ATP7A: variants seen among roughly 807,000 people sequenced by gnomAD.
ATP7A encodes the protein copper-transporting ATPase 1.
A neutral mutation model predicts 83.5 loss-of-function variants in ATP7A; 7 were observed. That is an observed-to-expected ratio of 0.08 (90% CI 0.05 to 0.16). ATP7A has a LOEUF of 0.16. Among genes scored for constraint, ATP7A ranks in the 10% least tolerant of loss-of-function variants. ATP7A has a pLI of 1.00. For missense variants in ATP7A, 940 were observed against 1,120.8 expected (o/e 0.84, Z 2.30); for synonymous variants, 354 against 395.2 (o/e 0.90, Z 1.24).
intron 14 of ATP7A, among the ~76,000 whole-genome samples, chrX:78,025,594 G>C (rs2077937648): frequency 9.0e-6 from 1 of 111,668 alleles, no homozygotes; most frequent in Admixed American, 9.6e-5. Context: ...ACTCCTGCAA[G>C]ACACTATACA....
chrX:77,983,161 A>G (rs1557231054), intron 2 of ATP7A, among the ~76,000 whole-genome samples: 3 of 112,182 alleles, frequency 2.7e-5, no homozygotes, highest in African/African-American at 9.7e-5. Context: ...GCATTTCAGC[A>G]CATGAATTTT....
At chrX:77,931,973 CG>C (rs1199738557) in intron 1 of ATP7A, among the ~76,000 whole-genome samples, 1 of 102,222 alleles carries the variant, frequency 9.8e-6, no homozygotes, top group Non-Finnish European at 2.0e-5. Flanking sequence ...CCCTCCCGGA[CG>C]GGGCGGCTGG....
At position 77,944,834 on chromosome X, in the gene ATP7A, GTATT is replaced by G. The variant is rs376448530; in HGVS notation, c.-21-26757_-21-26754del. ...TGTATGTATGTATGTATGTATGTGTGTATTTATTTATTTATTTATTTATTTATTT... is the reference window on the plus strand; with the variant it reads ...TGTATGTATGTATGTATGTATGTGTGTATTTATTTATTTATTTATTTATTT... On this transcript the variant is annotated intron_variant, in intron 1 of 22. Transcript: ENST00000341514. 3.9e-3 allele frequency among the ~76,000 whole-genome samples: 414 copies of G among 107,389 alleles called. 2 individuals are homozygous for G. The highest frequency in any genetic ancestry group is 9.0e-3 in the East Asian group (31 of 3,444). The allele number at this position is 107,389 out of a possible 115,157, so 93.3% of individuals were successfully genotyped here.
intron 5 of ATP7A, among the ~76,000 whole-genome samples, chrX:78,001,479 C>A (rs929202359): frequency 4.5e-5 from 5 of 111,241 alleles, no homozygotes; most frequent in Non-Finnish European, 7.5e-5. Context: ...TATTCTGTTA[C>A]TTTTAAATGT....
rs375563909 is a variant in ATP7A, at chrX:77,968,939, C to T, written c.-21-2682C>T. ...GCTTTGCACACCGTCTCTTCATCCC[C>T]CAGAAACTGCATGGGCTTGATAGGC... On this transcript the variant is annotated intron_variant, in intron 1 of 22. Transcript: ENST00000341514. The T allele has an allele frequency of 6.6e-6, 8 of 1,208,901 alleles. No homozygotes were observed. The African/African-American group carries it at 1.2e-4, about 19-fold the overall frequency.
chrX:77,938,747 A>G (rs2077334171), intron 1 of ATP7A, among the ~76,000 whole-genome samples: 1 of 112,483 alleles, frequency 8.9e-6, no homozygotes, highest in African/African-American at 3.2e-5. Context: ...CACAGATTAT[A>G]AGAGTACTAC....
chrX:77,928,423 CATATAT>C, intron 1 of ATP7A, among the ~76,000 whole-genome samples: 1 of 106,461 alleles, frequency 9.4e-6, no homozygotes, highest in East Asian at 2.9e-4. Flanking sequence ...CACACACACT[CATATAT>C]ATATATGACA....
chrX:77,933,055 A>G (rs2077298623), intron 1 of ATP7A, among the ~76,000 whole-genome samples: 1 of 112,140 alleles, frequency 8.9e-6, no homozygotes, highest in East Asian at 2.8e-4. Flanking sequence ...AGTACTGCTC[A>G]AGCTGCTGGA....
chrX:77,913,489 T>C (rs1356254781), intron 1 of ATP7A, among the ~76,000 whole-genome samples: 2 of 111,944 alleles, frequency 1.8e-5, no homozygotes, highest in African/African-American at 6.5e-5. Flanking sequence ...CCAGCAATCA[T>C]GTTTTTCCCT....
chrX:77,975,224 G>T (rs1319038350), intron 2 of ATP7A, among the ~76,000 whole-genome samples: 1 of 110,747 alleles, frequency 9.0e-6, no homozygotes, highest in Non-Finnish European at 1.9e-5. Flanking sequence ...TAAGCCTTTT[G>T]GCCACCCCCT....
At chrX:78,015,030 T>C (rs144979917) in intron 11 of ATP7A, among the ~76,000 whole-genome samples, 1 of 112,271 alleles carries the variant, frequency 8.9e-6, no homozygotes, top group African/African-American at 3.2e-5. Flanking sequence ...TACCGTACTG[T>C]ACCTAACAAA....
At position 78,042,561 on chromosome X, in the gene ATP7A, A is replaced by ATTGAGTTTATT. The variant is rs782271446; in HGVS notation, c.3802-21_3802-11dup. 1.6e-5 allele frequency: 19 copies of ATTGAGTTTATT among 1,193,632 alleles called. No homozygotes were observed. The highest frequency in any genetic ancestry group is 1.8e-5 in the Non-Finnish European group (16 of 880,087). ...CACGTACTCATTATTTTTTAAATGAATTGAGTTTATTTTCATCACATAGGT... is the reference window on the plus strand; with the variant it reads ...CACGTACTCATTATTTTTTAAATGAATTGAGTTTATTTTGAGTTTATTTTCATCACATAGGT... On this transcript the variant is annotated intron_variant, in intron 19 of 22. Coordinates refer to ENST00000341514, the MANE Select transcript of ATP7A (RefSeq NM_000052.7).
chrX:77,982,679 T>C (rs995305643), intron 2 of ATP7A, among the ~76,000 whole-genome samples: 1 of 112,313 alleles, frequency 8.9e-6, no homozygotes, highest in Non-Finnish European at 1.9e-5. Flanking sequence ...TCCAAGGAAA[T>C]TGTAGATTAT....
chrX:77,938,663 A>G (rs1265344303), intron 1 of ATP7A, among the ~76,000 whole-genome samples: 1 of 112,304 alleles, frequency 8.9e-6, no homozygotes, highest in African/African-American at 3.2e-5. Context: ...GTTTAACACT[A>G]CAAGGGTTGT....
At chrX:78,002,074 AT>A (rs111547011) in intron 5 of ATP7A, among the ~76,000 whole-genome samples, 26,787 of 98,958 alleles carry the variant, frequency 0.27, 2,851 homozygotes, top group African/African-American at 0.33. Flanking sequence ...TCCTTTCTCT[AT>A]TTTTTTTTTT....
At chrX:77,956,005 G>GTA (rs1314714127) in intron 1 of ATP7A, among the ~76,000 whole-genome samples, 1 of 110,886 alleles carries the variant, frequency 9.0e-6, no homozygotes, top group Admixed American at 9.7e-5. Context: ...AGTATTCCAT[G>GTA]TATATATATA....
intron 1 of ATP7A, chrX:77,963,047 A>G (rs1455170618): frequency 4.7e-6 from 1 of 213,351 alleles, no homozygotes; most frequent in Non-Finnish European, 8.7e-6. Context: ...ACCTTTGTAA[A>G]AGCAGAATAC....
rs782468179 is a variant in ATP7A, at chrX:78,013,152, G to A, written c.2406+40G>A. On this transcript the variant is annotated intron_variant, in intron 10 of 22. Coordinates refer to ENST00000341514, the MANE Select transcript of ATP7A (RefSeq NM_000052.7). ...GGTGACATTTGTTAAAATGTTGGGT[G>A]GATAAATGACCTTAGTATTTTTTAG... is the stretch of plus-strand genomic sequence containing the variant. 4.5e-6 allele frequency: 5 copies of A among 1,116,829 alleles called. No individual in the cohort carries two copies. In the African/African-American group the frequency reaches 7.2e-5, roughly 16 times the overall value. The allele number at this position is 1,116,829 out of a possible 1,213,427, so 92.0% of individuals were successfully genotyped here.
At chrX:78,026,475 T>C (rs1165080617) in intron 14 of ATP7A, among the ~76,000 whole-genome samples, 9 of 111,711 alleles carry the variant, frequency 8.1e-5, no homozygotes, top group Non-Finnish European at 1.5e-4. Flanking sequence ...TAGACTGCCA[T>C]ACAATAATAG....
Sources: allele counts gnomAD v4.1 joint callset (sites outside exome capture counted in the v4.1 genomes callset), GRCh38; gene constraint gnomAD v4.1.1; transcripts MANE v1.5; gene names NCBI Gene and HGNC (gene_info 2026-07-23, HGNC 2026-07-21).